Variants in PNPLA8 observed in about 807,000 individuals in gnomAD.
PNPLA8 encodes calcium-independent phospholipase A2-gamma.
Under a neutral mutation model 76.9 loss-of-function variants are expected in PNPLA8, and 39 were observed. That is an observed-to-expected ratio of 0.51 (90% CI 0.39 to 0.66). PNPLA8 has a LOEUF of 0.66. Among genes scored for constraint, PNPLA8 ranks in the 30% least tolerant of loss-of-function variants. The pLI, the probability that PNPLA8 is intolerant of heterozygous loss-of-function variation, is 0.00. For synonymous variants in PNPLA8, 301 were observed against 307.9 expected (o/e 0.98, Z 0.24); for missense variants, 887 against 918.0 (o/e 0.97, Z 0.44).
chr7:108,497,113 GTTCT>G (rs1160015534), intron 6 of PNPLA8, among the ~76,000 whole-genome samples: 1 of 152,102 alleles, frequency 6.6e-6, no homozygotes, highest in Non-Finnish European at 1.5e-5. Context: ...GATAATTCAC[GTTCT>G]TTCTAACATC....
intron 4 of PNPLA8, among the ~76,000 whole-genome samples, chr7:108,505,609 CCT>C (rs1862364174): frequency 6.6e-6 from 1 of 151,554 alleles, no homozygotes; most frequent in African/African-American, 2.4e-5. Flanking sequence ...GATCTGCCCA[CCT>C]CAGCCTCCCG....
At chr7:108,520,868 C>T (rs1291835275) in intron 2 of PNPLA8, among the ~76,000 whole-genome samples, 2 of 151,888 alleles carry the variant, frequency 1.3e-5, no homozygotes, top group African/African-American at 4.8e-5. Flanking sequence ...ATGTTGCACA[C>T]CATAAATACA....
intron 4 of PNPLA8, among the ~76,000 whole-genome samples, chr7:108,504,187 C>A (rs1862165380): frequency 6.6e-6 from 1 of 152,054 alleles, no homozygotes. Context: ...AACAAATAAA[C>A]CCCAGAAAAA....
intron 7 of PNPLA8, among the ~76,000 whole-genome samples, chr7:108,495,871 T>C (rs1476464436): frequency 1.3e-5 from 2 of 152,164 alleles, no homozygotes; most frequent in Non-Finnish European, 2.9e-5. Flanking sequence ...GGATACGAAT[T>C]TACAACTACA....
intron 8 of PNPLA8, among the ~76,000 whole-genome samples, chr7:108,491,150 C>G (rs531471299): frequency 6.6e-6 from 1 of 151,366 alleles, no homozygotes; most frequent in Admixed American, 6.6e-5. Context: ...ACTAAAAATA[C>G]AAAAAAATTA....
At chr7:108,513,026 G>T (rs1863051691) in intron 4 of PNPLA8, among the ~76,000 whole-genome samples, 1 of 152,106 alleles carries the variant, frequency 6.6e-6, no homozygotes, top group African/African-American at 2.4e-5. Flanking sequence ...TGTCTAGGAG[G>T]AACGGGACTC....
Position 108,487,790 on chromosome 7 carries a change from G to A in PNPLA8, c.1847C>T (p.Ala616Val). 6.2e-7 allele frequency: 1 copy of A among 1,611,190 alleles called. No individual in the cohort carries two copies. The change falls in exon 9 of 11, where the codon GCA becomes GTA. Residue 616 changes from alanine to valine, a missense_variant. Coordinates refer to ENST00000257694, the MANE Select transcript of PNPLA8 (RefSeq NM_001256007.3). ...RASSAAPGYF[A>V]EYALGNDLHQ... Reference sequence around the variant, plus strand: ...AAGATCATTTCCCAATGCATATTCTGCAAAGTAGCCTGGAGCAGCAGATGA... The same window carrying A: ...AAGATCATTTCCCAATGCATATTCTACAAAGTAGCCTGGAGCAGCAGATGA...
At chr7:108,481,335 A>G (rs1255621161) in intron 9 of PNPLA8, among the ~76,000 whole-genome samples, 1 of 152,198 alleles carries the variant, frequency 6.6e-6, no homozygotes, top group African/African-American at 2.4e-5. Context: ...TCACTGTCTA[A>G]AAGTTCCAGT....
chr7:108,483,752 CTACT>C (rs960439800), intron 9 of PNPLA8, among the ~76,000 whole-genome samples: 8 of 152,248 alleles, frequency 5.3e-5, no homozygotes, highest in African/African-American at 1.7e-4. Flanking sequence ...TTGTAAAAAT[CTACT>C]TAGATTCCTT....
Position 108,514,757 on chromosome 7 carries a change from T to C in PNPLA8, c.735A>G (p.Lys245=). ...ELEDKKVEEG[K]LRSPDPGILA... ...GGATGCCAGGATCTGGAGATCTTAA[T>C]TTCCCCTCTTCTACCTTTTTATCTT... Residue 245 remains lysine (K), a synonymous_variant, in exon 3 of 11, where the codon AAA becomes AAG. Coordinates refer to ENST00000257694, the MANE Select transcript of PNPLA8 (RefSeq NM_001256007.3). The C allele has an allele frequency of 1.2e-6, 2 of 1,613,376 alleles. No homozygotes were observed. Among genetic ancestry groups the C allele is most frequent in the Non-Finnish European group, 1.7e-6 (2 of 1,179,486 alleles).
intron 9 of PNPLA8, among the ~76,000 whole-genome samples, chr7:108,487,483 T>C (rs1369954564): frequency 2.6e-5 from 4 of 152,164 alleles, no homozygotes; most frequent in Non-Finnish European, 5.9e-5. Context: ...AAGCTAATCA[T>C]ACATACTCTC....
At chr7:108,507,358 A>G (rs977898274) in intron 4 of PNPLA8, among the ~76,000 whole-genome samples, 57 of 150,480 alleles carry the variant, frequency 3.8e-4, no homozygotes, top group Non-Finnish European at 2.2e-4. Flanking sequence ...AAAAAAAAAA[A>G]AAAAAAAAGA....
At chr7:108,502,429 G>A in intron 5 of PNPLA8, 62 bp downstream of exon 5, 1 of 1,412,618 alleles carries the variant, frequency 7.1e-7, no homozygotes, top group Non-Finnish European at 9.4e-7. Context: ...GGCAACAGAG[G>A]GAAACTCCAT....
At position 108,471,166 on chromosome 7, in the gene PNPLA8, CCAGA is replaced by C. The variant is rs1348989243; in HGVS notation, c.*1231_*1234del. 2.0e-5 allele frequency: 3 copies of C among 151,654 alleles called. No individual in the cohort carries two copies. The highest frequency in any genetic ancestry group is 4.4e-5 in the Non-Finnish European group (3 of 67,986). 9.4% of individuals were successfully genotyped at this position (151,654 alleles called of 1,614,324 possible). Reference sequence around the variant, plus strand: ...TGCATCTTACCAACTTCCATGAAATCCAGACAGTTCAAAGGAGTTAATAAGGTAA... The same window carrying C: ...TGCATCTTACCAACTTCCATGAAATCCAGTTCAAAGGAGTTAATAAGGTAA... On this transcript the variant is annotated 3_prime_UTR_variant, in exon 11 of 11. Coordinates refer to ENST00000257694, the MANE Select transcript of PNPLA8 (RefSeq NM_001256007.3).
intron 4 of PNPLA8, chr7:108,510,234 T>G (rs1167219231): frequency 1.5e-6 from 2 of 1,320,678 alleles, no homozygotes; most frequent in Non-Finnish European, 2.1e-6. Context: ...GCTGGAACCA[T>G]GGTGGGTGTA....
intron 7 of PNPLA8, among the ~76,000 whole-genome samples, chr7:108,496,103 T>C (rs1861528086): frequency 6.6e-6 from 1 of 152,104 alleles, no homozygotes; most frequent in Admixed American, 6.6e-5. Flanking sequence ...GGCATGGTGG[T>C]GCACACGTGT....
chr7:108,517,816 C>G (rs777447104), intron 2 of PNPLA8, among the ~76,000 whole-genome samples: 1 of 152,132 alleles, frequency 6.6e-6, no homozygotes, highest in South Asian at 2.1e-4. Flanking sequence ...GTCACCCAGG[C>G]TGGAGTGCAG....
intron 9 of PNPLA8, among the ~76,000 whole-genome samples, chr7:108,479,812 C>A (rs1860268853): frequency 6.6e-6 from 1 of 152,160 alleles, no homozygotes; most frequent in Non-Finnish European, 1.5e-5. Context: ...ATCAACAATA[C>A]AATTTCAATG....
intron 2 of PNPLA8, among the ~76,000 whole-genome samples, chr7:108,517,945 A>T (rs1287995881): frequency 6.6e-6 from 1 of 152,184 alleles, no homozygotes; most frequent in East Asian, 1.9e-4. Flanking sequence ...GGTAGCTTAT[A>T]AACAGTAGAA....
Sources: gnomAD v4.1 joint callset for allele counts (sites outside exome capture counted in the v4.1 genomes callset) on GRCh38, gnomAD v4.1.1 for gene constraint, MANE v1.5 for transcripts, NCBI Gene and HGNC (gene_info 2026-07-23, HGNC 2026-07-21) for gene names.